Variants in DOCK9 observed in about 807,000 individuals in gnomAD.
The protein encoded by DOCK9 is dedicator of cytokinesis 9.
Under a neutral mutation model 263.3 loss-of-function variants are expected in DOCK9, and 89 were observed. The observed-to-expected ratio is 0.34, with a 90% CI of 0.28 to 0.40. The LOEUF (loss-of-function observed/expected upper bound fraction) is 0.40, where lower values mean the gene tolerates loss of function less well. DOCK9 is among the 10% of genes least tolerant of loss of function. The probability of loss-of-function intolerance (pLI) is 1.00; values close to 1 mark genes in which losing one functional copy is unlikely to be tolerated. For synonymous variants in DOCK9, 976 were observed against 973.1 expected (o/e 1.00, Z -0.06); for missense variants, 2,140 against 2,603.4 (o/e 0.82, Z 3.87).
Position 99,036,844 on chromosome 13 carries a change from A to AT in DOCK9, c.129+49378dup, listed in dbSNP as rs1325121952. ...TGATCCACTGTGCCCGGCCAATGGG[A>AT]TTTTTTTTATAGCAGCTGGAGCTAA... On this transcript the variant is annotated intron_variant, in intron 1 of 32. Coordinates refer to the DOCK9 transcript ENST00000427887. Among the ~76,000 whole-genome samples, 11 of 152,036 alleles carry AT rather than the reference A, an allele frequency of 7.2e-5. No homozygotes were observed. In the South Asian group the frequency reaches 1.2e-3, roughly 17 times the overall value.
chr13:98,979,214 T>TAGCAGCAGC (rs1210426316), upstream of DOCK9, among the ~76,000 whole-genome samples: 4 of 128,474 alleles, frequency 3.1e-5, no homozygotes, highest in African/African-American at 9.1e-5. Context: ...GTAGTAGTAG[T>TAGCAGCAGC]AGTAGTAGTA....
chr13:98,957,963 G>C (rs1230813577), intron 1 of DOCK9, among the ~76,000 whole-genome samples: 1 of 152,152 alleles, frequency 6.6e-6, no homozygotes, highest in Non-Finnish European at 1.5e-5. Flanking sequence ...GGCTGGGCAG[G>C]GCTGAATCCT....
At chr13:98,947,003 C>T (rs2056803561) in intron 2 of DOCK9, among the ~76,000 whole-genome samples, 1 of 152,232 alleles carries the variant, frequency 6.6e-6, no homozygotes, top group Non-Finnish European at 1.5e-5. Context: ...CCTTTCATGC[C>T]TGTCTCACTT....
intron 41 of DOCK9, 21 bp downstream of exon 41, chr13:98,831,327 G>A (rs754626236): frequency 2.5e-6 from 4 of 1,588,996 alleles, no homozygotes; most frequent in Non-Finnish European, 3.4e-6. Context: ...AATCTGTATT[G>A]GAAAGCTAAA....
At position 98,880,649 on chromosome 13, in the gene DOCK9, A is replaced by G; in HGVS notation, c.2769T>C (p.Tyr923=). The G allele has an allele frequency of 5.0e-6, 8 of 1,613,906 alleles. No individual in the cohort carries two copies. Among genetic ancestry groups the G allele is most frequent in the Non-Finnish European group, 6.8e-6 (8 of 1,179,854 alleles). ...YVKYAYKAEP[Y]VASEYKTVHE... ...GCACTGTCTTGTATTCAGAGGCAAC[A>G]TATGGCTCAGCCTTATACGCGTACT... Residue 923 remains tyrosine (Y), a synonymous_variant, in exon 26 of 53, where the codon TAT becomes TAC. Transcript: ENST00000682017.
chr13:98,888,776 C>T, intron 15 of DOCK9, 65 bp from the exon 16 acceptor site: 1 of 1,359,508 alleles, frequency 7.4e-7, no homozygotes, highest in Non-Finnish European at 1.0e-6. Context: ...CACTCTAGAG[C>T]AGCACTTCCA....
chr13:99,083,784 A>G (rs1171525641), intron 1 of DOCK9, among the ~76,000 whole-genome samples: 6 of 150,392 alleles, frequency 4.0e-5, no homozygotes, highest in African/African-American at 1.2e-4. Context: ...GGCAGCCTTT[A>G]TCATCCACTG....
At chr13:98,867,156 C>A in intron 30 of DOCK9, 1 of 518,170 alleles carries the variant, frequency 1.9e-6, no homozygotes, top group South Asian at 1.7e-5. Flanking sequence ...TAAGCTATAG[C>A]AACTGAAATA....
chr13:98,822,952 TA>T (rs2092356852), intron 45 of DOCK9, among the ~76,000 whole-genome samples: 1 of 152,230 alleles, frequency 6.6e-6, no homozygotes, highest in Admixed American at 6.5e-5. Context: ...GACCCCTTCG[TA>T]GATTTTAAGA....
chr13:99,047,495 C>A, intron 1 of DOCK9, among the ~76,000 whole-genome samples: 1 of 148,632 alleles, frequency 6.7e-6, no homozygotes. Context: ...CAAACTTTTT[C>A]TGAGAATCAG....
In DOCK9 at chr13:98,884,974, G is replaced by A. The variant is rs758619752; in HGVS notation, c.2379C>T (p.Gly793=). The A allele has an allele frequency of 1.6e-5, 26 of 1,613,180 alleles. No homozygotes were observed. Among genetic ancestry groups the A allele is most frequent in the Non-Finnish European group, 2.2e-5 (26 of 1,179,566 alleles). ...CCAATCTTAAAATGGGACATACCCT[G>A]CCCATCCCAAGCTCCTGGTAGCCAA... ...GYLGYQELGM[G]RHYGPEIKWV... The change falls in exon 21 of 53, where the codon GGC becomes GGT. Residue 793 remains glycine, a synonymous_variant. Coordinates refer to ENST00000682017, the MANE Select transcript of DOCK9 (RefSeq NM_001366683.2).
chr13:98,809,514 T>A (rs770064223), intron 46 of DOCK9, 49 bp from the exon 47 acceptor site: 1 of 1,463,992 alleles, frequency 6.8e-7, no homozygotes, highest in East Asian at 2.3e-5. Flanking sequence ...AAGAGGAGAA[T>A]CGATTTTAAA....
At chr13:98,993,056 G>A (rs1198111778) in intron 1 of DOCK9, among the ~76,000 whole-genome samples, 5 of 152,184 alleles carry the variant, frequency 3.3e-5, no homozygotes, top group Non-Finnish European at 7.3e-5. Context: ...AGAAAGGTAG[G>A]TGGAATCAGA....
rs765977765 is a variant in DOCK9, at chr13:98,825,896, C to T, written c.5023+934G>A. 7.7e-6 allele frequency: 12 copies of T among 1,550,144 alleles called. No individual in the cohort carries two copies. The highest frequency in any genetic ancestry group is 1.9e-5 in the Admixed American group (1 of 53,166). On this transcript the variant is annotated intron_variant, in intron 44 of 52. Transcript: ENST00000682017. The surrounding 1 kb of genome is among the most constrained non-coding windows in gnomAD (Gnocchi z 4.1). ...CCTCCCCGGCTCCTCCTCAGGCAGG[C>T]GCTATGGCTGTGGGGGAGAAGGGGC...
At chr13:98,889,214 G>A (rs912580558) in intron 15 of DOCK9, among the ~76,000 whole-genome samples, 1 of 152,152 alleles carries the variant, frequency 6.6e-6, no homozygotes, top group Non-Finnish European at 1.5e-5. Context: ...GCAGTAGAAT[G>A]ATACAATGAA....
intron 1 of DOCK9, among the ~76,000 whole-genome samples, chr13:99,069,486 C>G (rs1162820122): frequency 6.6e-6 from 1 of 152,214 alleles, no homozygotes; most frequent in South Asian, 2.1e-4. Flanking sequence ...ACCAATGACA[C>G]TTGACAACAC....
rs1594051529 is a variant in DOCK9, at chr13:98,794,802, A to G, written c.6157-54T>C. 10 of 1,596,628 alleles carry G rather than the reference A, an allele frequency of 6.3e-6. No individual in the cohort carries two copies. In the East Asian group the frequency reaches 2.2e-4, roughly 36 times the overall value. ...GGGCAACACAAGGTTACCATATGCA[A>G]TGCCATGTTGCCATGTGTGACACAA... On this transcript the variant is annotated intron_variant, in intron 52 of 52. Transcript: ENST00000682017.
intron 27 of DOCK9, among the ~76,000 whole-genome samples, chr13:98,878,342 T>C (rs1235253412): frequency 6.6e-6 from 1 of 152,256 alleles, no homozygotes; most frequent in African/African-American, 2.4e-5. Flanking sequence ...ATTTACCATC[T>C]TTACCAGTTT....
intron 1 of DOCK9, among the ~76,000 whole-genome samples, chr13:99,017,978 T>C (rs542637112): frequency 2.0e-5 from 3 of 152,216 alleles, no homozygotes; most frequent in Non-Finnish European, 2.9e-5. Context: ...TCATATTGTA[T>C]ACCTTAAATT....
Sources: gnomAD v4.1 joint callset for allele counts (sites outside exome capture counted in the v4.1 genomes callset) on GRCh38, gnomAD v4.1.1 for gene constraint, Gnocchi (gnomAD v3.1) non-coding constraint, MANE v1.5 for transcripts, NCBI Gene and HGNC (gene_info 2026-07-23, HGNC 2026-07-21) for gene names.